Variants in RAPGEF4 observed in about 807,000 individuals in gnomAD.
The protein encoded by RAPGEF4 is RAP guanine-nucleotide-exchange factor (GEF) 4.
In RAPGEF4, 66 loss-of-function variants were observed where a neutral mutation model predicts 147.9. That is an observed-to-expected ratio of 0.45 (90% CI 0.37 to 0.55). The LOEUF (loss-of-function observed/expected upper bound fraction) is 0.55, where lower values mean the gene tolerates loss of function less well. RAPGEF4 is among the 20% of genes least tolerant of loss of function. RAPGEF4 has a pLI of 0.00. For missense variants in RAPGEF4, 1,071 were observed against 1,257.3 expected, an observed-to-expected ratio of 0.85 and a Z score of 2.24; for synonymous variants, 419 against 442.7, an observed-to-expected ratio of 0.95 and a Z score of 0.67.
chr2:172,852,652 G>T (rs1692985843), intron 4 of RAPGEF4, among the ~76,000 whole-genome samples: 1 of 152,018 alleles, frequency 6.6e-6, no homozygotes, highest in Non-Finnish European at 1.5e-5. Flanking sequence ...TATCACACTG[G>T]CAAGGACCAC....
intron 4 of RAPGEF4, among the ~76,000 whole-genome samples, chr2:172,852,482 T>C (rs1200028323): frequency 1.3e-5 from 2 of 152,346 alleles, no homozygotes; most frequent in East Asian, 1.9e-4. Context: ...TTTAAACTCA[T>C]TTAATCCTTC....
At chr2:172,954,644 T>C (rs3769250) in intron 6 of RAPGEF4, among the ~76,000 whole-genome samples, 73,521 of 151,926 alleles carry the variant, frequency 0.48, 18,710 homozygotes, top group East Asian at 0.59. Context: ...CCCCAAAGAG[T>C]GATGACATTG....
chr2:172,978,527 G>A (rs945433539), intron 10 of RAPGEF4, among the ~76,000 whole-genome samples: 7 of 152,166 alleles, frequency 4.6e-5, no homozygotes, highest in Admixed American at 3.3e-4. Flanking sequence ...GGTCTTGCCT[G>A]GCAGTAAATC....
chr2:172,894,832 C>A (rs1698303700), intron 4 of RAPGEF4, among the ~76,000 whole-genome samples: 1 of 152,092 alleles, frequency 6.6e-6, no homozygotes, highest in South Asian at 2.1e-4. Flanking sequence ...TAAAAACATT[C>A]ATACTTAAAC....
chr2:172,758,033 A>C (rs1198206223), intron 1 of RAPGEF4, among the ~76,000 whole-genome samples: 1 of 152,206 alleles, frequency 6.6e-6, no homozygotes, highest in Non-Finnish European at 1.5e-5. Flanking sequence ...ACCCCAAAAA[A>C]CAAATAGAGC....
intron 4 of RAPGEF4, 183 bp downstream of exon 4, chr2:172,814,608 C>G (rs1044336407): frequency 9.0e-6 from 6 of 666,868 alleles, no homozygotes; most frequent in Non-Finnish European, 1.5e-5. Flanking sequence ...ACAAGACATC[C>G]TTTTTTTTGT....
At chr2:173,037,390 A>G (rs1684178259) in intron 29 of RAPGEF4, among the ~76,000 whole-genome samples, 2 of 152,120 alleles carry the variant, frequency 1.3e-5, no homozygotes, top group African/African-American at 2.4e-5. Context: ...CTGGCCTAGA[A>G]AATTTTTTTC....
chr2:173,005,048 T>C lies in RAPGEF4; in HGVS notation c.1658+3704T>C, dbSNP rs111746820. Among the ~76,000 whole-genome samples, 884 of 152,278 alleles carry C rather than the reference T, an allele frequency of 5.8e-3. 15 individuals carry two copies. Among genetic ancestry groups the C allele is most frequent in the African/African-American group, 0.02 (842 of 41,550 alleles). On this transcript the variant is annotated intron_variant, in intron 17 of 30. Transcript: ENST00000397081. ...ATTATCATTTTTAATGACTATTATA[T>C]TAATAGATATGTCATAATTATTTTC...
chr2:173,014,497 G>A lies in RAPGEF4; in HGVS notation c.1692G>A (p.Gln564=), dbSNP rs747776489. Residue 564 remains glutamine (Q), a synonymous_variant, in exon 18 of 31, where the codon CAG becomes CAA. Coordinates refer to ENST00000397081, the MANE Select transcript of RAPGEF4 (RefSeq NM_007023.4). The part of the protein sequence containing the change: ...YHAQPSQGTE[Q]EKMDYALNNK... ...CACAGCCTTCACAAGGTACAGAACAGGAGAAAATGGATTATGCCCTCAACA... is the reference window on the plus strand; with the variant it reads ...CACAGCCTTCACAAGGTACAGAACAAGAGAAAATGGATTATGCCCTCAACA... 4.3e-6 allele frequency: 7 copies of A among 1,613,958 alleles called. No individual in the cohort carries two copies. The Admixed American group carries it at 6.7e-5, about 15-fold the overall frequency.
chr2:173,045,836 G>A (rs190858093), intron 29 of RAPGEF4, among the ~76,000 whole-genome samples: 4 of 152,314 alleles, frequency 2.6e-5, no homozygotes, highest in Admixed American at 2.6e-4. Context: ...AAAGCATTAT[G>A]CACTCTGGAG....
At chr2:172,903,663 C>A (rs1260484907) in intron 4 of RAPGEF4, among the ~76,000 whole-genome samples, 1 of 152,088 alleles carries the variant, frequency 6.6e-6, no homozygotes, top group Non-Finnish European at 1.5e-5. Flanking sequence ...TTTTAGTGAC[C>A]AATGTGCATG....
At chr2:172,950,376 G>A (rs1688095893) in intron 6 of RAPGEF4, among the ~76,000 whole-genome samples, 1 of 152,070 alleles carries the variant, frequency 6.6e-6, no homozygotes, top group African/African-American at 2.4e-5. Flanking sequence ...GATAAGGATT[G>A]ATCCATTCAG....
intron 30 of RAPGEF4, among the ~76,000 whole-genome samples, chr2:173,049,861 T>C (rs1685974757): frequency 6.6e-6 from 1 of 152,192 alleles, no homozygotes; most frequent in South Asian, 2.1e-4. Context: ...ATAAAGCAGT[T>C]GTACAAGTGG....
At chr2:172,838,732 C>T (rs1487099622) in intron 4 of RAPGEF4, among the ~76,000 whole-genome samples, 1 of 152,014 alleles carries the variant, frequency 6.6e-6, no homozygotes, top group Non-Finnish European at 1.5e-5. Flanking sequence ...ATTTTCTCTT[C>T]TCTAGGAATT....
intron 1 of RAPGEF4, among the ~76,000 whole-genome samples, chr2:172,761,306 G>A (rs1170336712): frequency 2.0e-5 from 3 of 151,714 alleles, no homozygotes; most frequent in Non-Finnish European, 2.9e-5. Flanking sequence ...TGTATTTTTA[G>A]TACAGACAAG....
chr2:172,985,410 T>A lies in RAPGEF4; in HGVS notation c.1090-23T>A, dbSNP rs771807081. The stretch of plus-strand genomic sequence containing the variant: ...CAGACCTGGAAATGTGGCCTTTGCA[T>A]GTTTCTTCTGTTTTTCTTCTAGGTG... On this transcript the variant is annotated intron_variant, in intron 11 of 30. Coordinates refer to ENST00000397081, the MANE Select transcript of RAPGEF4 (RefSeq NM_007023.4). The A allele has an allele frequency of 3.7e-6, 6 of 1,613,888 alleles. 1 individual carries two copies. In the Admixed American group the frequency reaches 5.0e-5, roughly 13 times the overall value.
intron 14 of RAPGEF4, 34 bp downstream of exon 14, chr2:172,988,873 C>A: frequency 1.9e-6 from 3 of 1,600,972 alleles, no homozygotes; most frequent in Non-Finnish European, 2.6e-6. Flanking sequence ...TGAGAGACAG[C>A]CCATTTTTTT....
chr2:172,840,034 T>G (rs1272780709), intron 4 of RAPGEF4, among the ~76,000 whole-genome samples: 3 of 152,212 alleles, frequency 2.0e-5, no homozygotes, highest in Non-Finnish European at 4.4e-5. Flanking sequence ...TCTTTAGTAC[T>G]TTGTCTTGTG....
At chr2:172,770,568 T>G (rs1697256652) in intron 1 of RAPGEF4, among the ~76,000 whole-genome samples, 1 of 152,222 alleles carries the variant, frequency 6.6e-6, no homozygotes, top group Non-Finnish European at 1.5e-5. Flanking sequence ...GATATAGTTG[T>G]TTACCTAATA....
Sources: gnomAD v4.1 joint callset for allele counts (sites outside exome capture counted in the v4.1 genomes callset) on GRCh38, gnomAD v4.1.1 for gene constraint, MANE v1.5 for transcripts, NCBI Gene and HGNC (gene_info 2026-07-23, HGNC 2026-07-21) for gene names.